Variants in GGA2 observed in about 807,000 individuals in gnomAD.
GGA2 encodes golgi associated, gamma adaptin ear containing, ARF binding protein 2.
A neutral mutation model predicts 79.5 loss-of-function variants in GGA2; 48 were observed. That is an observed-to-expected ratio of 0.60 (90% CI 0.48 to 0.77). The LOEUF (loss-of-function observed/expected upper bound fraction) is 0.77, where lower values mean the gene tolerates loss of function less well. GGA2 is among the 30% of genes least tolerant of loss of function. The pLI, the probability that GGA2 is intolerant of heterozygous loss-of-function variation, is 0.00. For synonymous variants in GGA2, 317 were observed against 302.0 expected, an observed-to-expected ratio of 1.05 and a Z score of -0.51; for missense variants, 770 against 774.0, an observed-to-expected ratio of 0.99 and a Z score of 0.06.
rs749688834 is a variant in GGA2, at chr16:23,472,184, G to GTT, written c.1451-2021_1451-2020dup. Among the ~76,000 whole-genome samples, 416 of 54,864 alleles carry GTT rather than the reference G, an allele frequency of 7.6e-3. 8 individuals carry two copies. Among genetic ancestry groups the GTT allele is most frequent in the Non-Finnish European group, 0.011 (308 of 29,058 alleles). The allele number at this position is 54,864 out of a possible 152,430, so 36.0% of individuals were successfully genotyped here. A position where few individuals can be genotyped will look rare whatever the true frequency, so the allele number is the denominator to read the frequency against. ...TCCAAAGATGTTCTTTGTAGCCCTGGTTTTTTTTTTTTTTTTTTTTTTTTT... is the reference window on the plus strand; with the variant it reads ...TCCAAAGATGTTCTTTGTAGCCCTGGTTTTTTTTTTTTTTTTTTTTTTTTTTT... On this transcript the variant is annotated intron_variant, in intron 14 of 16. Coordinates refer to ENST00000309859, the MANE Select transcript of GGA2 (RefSeq NM_015044.4).
chr16:23,474,985 C>T lies in GGA2; in HGVS notation c.1369G>A (p.Ala457Thr), dbSNP rs757977075. 2 of 1,610,750 alleles carry T rather than the reference C, an allele frequency of 1.2e-6. No homozygotes were observed. The highest frequency in any genetic ancestry group is 2.2e-5 in the East Asian group (1 of 44,854). ...TKSSPGWSWE[A>T]GPLAPSPSSQ... ...GATGGGGAAGGAGCCAACGGGCCAGCCTCCCAGGACCAACCTGGAGAGGAC... is the reference window on the plus strand; with the variant it reads ...GATGGGGAAGGAGCCAACGGGCCAGTCTCCCAGGACCAACCTGGAGAGGAC... Residue 457 changes from alanine (A) to threonine (T), a missense_variant, in exon 14 of 17, where the codon GCT (alanine) becomes ACT (threonine). Coordinates refer to ENST00000309859, the MANE Select transcript of GGA2 (RefSeq NM_015044.4).
At chr16:23,473,197 A>G (rs1456004775) in intron 14 of GGA2, among the ~76,000 whole-genome samples, 1 of 152,006 alleles carries the variant, frequency 6.6e-6, no homozygotes, top group African/African-American at 2.4e-5. Context: ...CATTCTATAC[A>G]CACTGTGGTA....
At chr16:23,507,073 A>G (rs71379819) in intron 1 of GGA2, among the ~76,000 whole-genome samples, 1,706 of 151,854 alleles carry the variant, frequency 0.011, 18 homozygotes, top group Admixed American at 0.019. Context: ...CCCTCTCGCT[A>G]TTCTCTCCCC....
At chr16:23,487,133 C>T (rs1964725509) in intron 6 of GGA2, among the ~76,000 whole-genome samples, 1 of 152,098 alleles carries the variant, frequency 6.6e-6, no homozygotes. Context: ...AGGCGCGTGC[C>T]ACCATGCCCA....
upstream of GGA2, among the ~76,000 whole-genome samples, chr16:23,512,280 T>C (rs1019578184): frequency 2.0e-5 from 3 of 152,248 alleles, no homozygotes; most frequent in African/African-American, 7.2e-5. Context: ...CCTAGCAACC[T>C]CCATCTGGCA....
At chr16:23,506,458 G>A (rs77343820) in intron 1 of GGA2, among the ~76,000 whole-genome samples, 2,026 of 152,254 alleles carry the variant, frequency 0.013, 51 homozygotes, top group African/African-American at 0.046. Context: ...GGAACTCAGC[G>A]GGGAGATGGG....
At chr16:23,472,705 C>G (rs1829968725) in intron 14 of GGA2, among the ~76,000 whole-genome samples, 1 of 150,204 alleles carries the variant, frequency 6.7e-6, no homozygotes, top group Non-Finnish European at 1.5e-5. Context: ...CAGACCTTGT[C>G]TCAAAAATAA....
chr16:23,510,456 A>T lies in GGA2; in HGVS notation c.-45T>A. 1 of 739,510 alleles carries T rather than the reference A, an allele frequency of 1.4e-6. No individual in the cohort carries two copies. The highest frequency in any genetic ancestry group is 3.4e-5 in the East Asian group (1 of 29,014). 45.8% of individuals were successfully genotyped at this position (739,510 alleles called of 1,614,324 possible). On this transcript the variant is annotated 5_prime_UTR_variant, in exon 1 of 17. Transcript: ENST00000309859. ...CGGCCGCGGGCGCCACTGCCTCTTC[A>T]GCCGCTGTAGCGTCCTGGCGCTCTC... is the stretch of plus-strand genomic sequence containing the variant.
At position 23,467,707 on chromosome 16, in the gene GGA2, C is replaced by G. The variant is rs568191925; in HGVS notation, c.1732-7G>C. On this transcript the variant is annotated splice_region_variant and splice_polypyrimidine_tract_variant and intron_variant, in intron 16 of 16. Transcript: ENST00000309859. ...ACCGTAAGCGGATAGGTTCCTGGGA[C>G]AGAAGAGACAGAAGATGTCAAATCA... 3.0e-6 allele frequency: 4 copies of G among 1,347,542 alleles called. No individual in the cohort carries two copies. In the African/African-American group the frequency reaches 4.3e-5, roughly 14 times the overall value. The allele number at this position is 1,347,542 out of a possible 1,614,324, so 83.5% of individuals were successfully genotyped here. A position where few individuals can be genotyped will look rare whatever the true frequency, so the allele number is the denominator to read the frequency against.
At chr16:23,483,654 G>T (rs1386555371) in intron 8 of GGA2, among the ~76,000 whole-genome samples, 3 of 150,618 alleles carry the variant, frequency 2.0e-5, no homozygotes, top group East Asian at 3.9e-4. Context: ...TGTTTTTTTG[G>T]TTTTTTTTTG....
In GGA2 at chr16:23,493,430, C is replaced by T. The variant is rs1484529998; in HGVS notation, c.281G>A (p.Gly94Glu). ...GGCCACCTCGCTGTGGAACTTCTCC[C>T]CACAGTGGTTCATGCACATCTCCAG... ...TVLEMCMNHC[G>E]EKFHSEVAKF... Residue 94 changes from glycine (G) to glutamate (E), a missense_variant, in exon 4 of 17, where the codon GGG becomes GAG. Physicochemically the swap from Gly to Glu is moderately conservative, Grantham distance 98. Coordinates refer to ENST00000309859, the MANE Select transcript of GGA2 (RefSeq NM_015044.4). The T allele has an allele frequency of 6.2e-7, 1 of 1,612,302 alleles. No individual in the cohort carries two copies. The highest frequency in any genetic ancestry group is 8.5e-7 in the Non-Finnish European group (1 of 1,178,380).
At chr16:23,482,803 CCCAAGCTCCACGG>C (rs1964663847) in intron 9 of GGA2, 107 bp downstream of exon 9, 1 of 707,956 alleles carries the variant, frequency 1.4e-6, no homozygotes, top group Non-Finnish European at 2.6e-6. Context: ...CCTCCCCAAG[CCCAAGCTCCACGG>C]AACCGAAAGT....
intron 1 of GGA2, among the ~76,000 whole-genome samples, chr16:23,520,388 G>A (rs976330229): frequency 7.9e-5 from 12 of 152,100 alleles, no homozygotes; most frequent in Non-Finnish European, 5.9e-5. Flanking sequence ...TGAATAAGGG[G>A]CAGAATGTTT....
chr16:23,510,926 T>TTAGAGACTGG (rs1965044620), upstream of GGA2, among the ~76,000 whole-genome samples: 2 of 37,702 alleles, frequency 5.3e-5, no homozygotes, highest in African/African-American at 1.6e-4. Context: ...TGTGTGTGTG[T>TTAGAGACTGG]GTGTGTGTGT....
chr16:23,478,336 A>T, intron 13 of GGA2, 32 bp downstream of exon 13: 4 of 1,531,658 alleles, frequency 2.6e-6, no homozygotes, highest in Non-Finnish European at 3.5e-6. Context: ...CAGGAGCCAC[A>T]CTCTCCCACT....
chr16:23,521,202 T>A (rs904454094), intron 1 of GGA2, among the ~76,000 whole-genome samples: 2 of 152,208 alleles, frequency 1.3e-5, no homozygotes, highest in African/African-American at 4.8e-5. Flanking sequence ...TTTATAATGT[T>A]GTGCAATTAT....
chr16:23,476,569 G>A (rs1385012464), intron 13 of GGA2, among the ~76,000 whole-genome samples: 1 of 152,078 alleles, frequency 6.6e-6, no homozygotes, highest in Non-Finnish European at 1.5e-5. Flanking sequence ...TTAAGACTGA[G>A]GCATATTTAT....
At chr16:23,519,041 C>CTT (rs368986914) in intron 2 of GGA2, among the ~76,000 whole-genome samples, 4 of 104,578 alleles carry the variant, frequency 3.8e-5, no homozygotes, top group Non-Finnish European at 5.8e-5. Flanking sequence ...CGGATACTGT[C>CTT]TTTTTTTTTT....
Position 23,478,915 on chromosome 16 carries a change from TA to T in GGA2, c.1130-5del. The T allele has an allele frequency of 6.3e-7, 1 of 1,599,010 alleles. No individual in the cohort carries two copies. Among genetic ancestry groups the T allele is most frequent in the Non-Finnish European group, 8.6e-7 (1 of 1,166,546 alleles). On this transcript the variant is annotated splice_region_variant and splice_polypyrimidine_tract_variant and intron_variant, in intron 11 of 16. Transcript: ENST00000309859. The stretch of plus-strand genomic sequence containing the variant: ...GTAACAGGAGCATCACTGATTCCTG[TA>T]AGAAAGGAGTAGAGTGAGATGCCTA...
Sources: allele counts gnomAD v4.1 joint callset (sites outside exome capture counted in the v4.1 genomes callset), GRCh38; gene constraint gnomAD v4.1.1; transcripts MANE v1.5; gene names NCBI Gene and HGNC (gene_info 2026-07-23, HGNC 2026-07-21).